Variants in NKAIN2 observed in about 807,000 individuals in gnomAD.
The protein encoded by NKAIN2 is sodium/potassium-transporting ATPase subunit beta-1-interacting protein 2.
A neutral mutation model predicts 32.6 loss-of-function variants in NKAIN2; 14 were observed. That is an observed-to-expected ratio of 0.43 (90% CI 0.28 to 0.67). The LOEUF (loss-of-function observed/expected upper bound fraction) is 0.67, where lower values mean the gene tolerates loss of function less well. Among genes scored for constraint, NKAIN2 ranks in the 30% least tolerant of loss-of-function variants. The pLI is 0.17. For missense variants in NKAIN2, 198 were observed against 258.3 expected, an observed-to-expected ratio of 0.77 and a Z score of 1.60; for synonymous variants, 80 against 87.2, an observed-to-expected ratio of 0.92 and a Z score of 0.46.
At chr6:124,305,205 T>C (rs1160424119) in intron 2 of NKAIN2, among the ~76,000 whole-genome samples, 1 of 152,176 alleles carries the variant, frequency 6.6e-6, no homozygotes, top group Non-Finnish European at 1.5e-5. Context: ...AAAAAATGTT[T>C]ACAAGTGACG....
intron 1 of NKAIN2, among the ~76,000 whole-genome samples, chr6:124,017,493 C>G (rs1052605812): frequency 6.6e-6 from 1 of 152,130 alleles, no homozygotes; most frequent in African/African-American, 2.4e-5. Context: ...AAAGGCAAGT[C>G]CCTTCTGCCT....
chr6:124,338,788 T>G (rs1465026342), intron 2 of NKAIN2, among the ~76,000 whole-genome samples: 3 of 152,220 alleles, frequency 2.0e-5, no homozygotes, highest in Non-Finnish European at 4.4e-5. Context: ...AATTTTCTAT[T>G]TGCATGCCAT....
intron 1 of NKAIN2, among the ~76,000 whole-genome samples, chr6:124,210,080 A>T (rs1432420502): frequency 6.6e-6 from 1 of 151,460 alleles, no homozygotes; most frequent in Non-Finnish European, 1.5e-5. Context: ...TCATAGTTTG[A>T]GTTCTTACAT....
chr6:124,564,559 C>G (rs1042384582), intron 3 of NKAIN2, among the ~76,000 whole-genome samples: 2 of 152,180 alleles, frequency 1.3e-5, no homozygotes, highest in Non-Finnish European at 2.9e-5. Context: ...CTCTTTCACT[C>G]TTCACAATAA....
intron 3 of NKAIN2, among the ~76,000 whole-genome samples, chr6:124,615,403 CA>C (rs1466387453): frequency 1.3e-5 from 2 of 152,150 alleles, no homozygotes; most frequent in African/African-American, 2.4e-5. Context: ...AAATACTCTT[CA>C]GAATACGATA....
At chr6:124,478,496 T>TCA (rs1046259209) in intron 3 of NKAIN2, among the ~76,000 whole-genome samples, 1 of 151,912 alleles carries the variant, frequency 6.6e-6, no homozygotes, top group African/African-American at 2.4e-5. Flanking sequence ...ATGTACACAA[T>TCA]CACACACACA....
intron 1 of NKAIN2, among the ~76,000 whole-genome samples, chr6:123,910,049 G>A (rs995425720): frequency 6.6e-6 from 1 of 152,016 alleles, no homozygotes; most frequent in African/African-American, 2.4e-5. Flanking sequence ...AAGAGATTTA[G>A]AATACATGGT....
intron 1 of NKAIN2, among the ~76,000 whole-genome samples, chr6:124,241,998 A>G (rs184125334): frequency 1.3e-5 from 2 of 152,250 alleles, no homozygotes; most frequent in African/African-American, 4.8e-5. Flanking sequence ...ATGGGCAAAG[A>G]CTTCATGACT....
At chr6:124,064,153 A>G (rs1438605569) in intron 1 of NKAIN2, among the ~76,000 whole-genome samples, 1 of 151,986 alleles carries the variant, frequency 6.6e-6, no homozygotes, top group Non-Finnish European at 1.5e-5. Context: ...GGGTTTCACC[A>G]TGTTAGCCAG....
chr6:124,720,694 G>A (rs1302625961), intron 4 of NKAIN2, among the ~76,000 whole-genome samples: 3 of 152,142 alleles, frequency 2.0e-5, no homozygotes, highest in African/African-American at 7.2e-5. Context: ...CACGGGTGTT[G>A]CAAACCTGCA....
intron 1 of NKAIN2, among the ~76,000 whole-genome samples, chr6:124,017,508 G>C (rs1780636387): frequency 6.6e-6 from 1 of 152,124 alleles, no homozygotes; most frequent in African/African-American, 2.4e-5. Context: ...CTGCCTATGA[G>C]CCTGTGAAAC....
chr6:124,727,790 AG>A (rs973747896), intron 4 of NKAIN2, among the ~76,000 whole-genome samples: 10 of 26,430 alleles, frequency 3.8e-4, no homozygotes, highest in East Asian at 2.4e-3. Flanking sequence ...AAGACCCATC[AG>A]TGTGCTGTAT....
intron 3 of NKAIN2, among the ~76,000 whole-genome samples, chr6:124,606,607 C>G (rs1241901251): frequency 1.3e-5 from 2 of 151,952 alleles, no homozygotes; most frequent in Non-Finnish European, 2.9e-5. Flanking sequence ...TTCACAATTT[C>G]TAGTATTTAA....
chr6:124,155,595 T>C (rs1192413617), intron 1 of NKAIN2, among the ~76,000 whole-genome samples: 1 of 151,234 alleles, frequency 6.6e-6, no homozygotes, highest in Non-Finnish European at 1.5e-5. Flanking sequence ...TAATATATGC[T>C]ATCTTTTTTT....
chr6:124,537,107 G>A (rs548195592), intron 3 of NKAIN2, among the ~76,000 whole-genome samples: 6 of 152,194 alleles, frequency 3.9e-5, no homozygotes, highest in Non-Finnish European at 7.4e-5. Flanking sequence ...TTCTACCATC[G>A]TCTTCAAAGA....
chr6:124,076,511 G>T (rs1182998836), intron 1 of NKAIN2, among the ~76,000 whole-genome samples: 1 of 152,186 alleles, frequency 6.6e-6, no homozygotes, highest in African/African-American at 2.4e-5. Flanking sequence ...ATAAGAGAAA[G>T]TCAAGAGCTG....
Position 124,559,834 on chromosome 6 carries a change from A to ATTTT in NKAIN2, c.274-98328_274-98325dup, listed in dbSNP as rs55701016. On this transcript the variant is annotated intron_variant, in intron 3 of 6. Transcript: ENST00000368417. Reference sequence around the variant, plus strand: ...GTGGAAGGCGAGTAAGAAATAAACCATTTTTTTTTTTTTTTTTTTTTTTTT... The same window carrying ATTTT: ...GTGGAAGGCGAGTAAGAAATAAACCATTTTTTTTTTTTTTTTTTTTTTTTTTTTT... Among the ~76,000 whole-genome samples the ATTTT allele has an allele frequency of 5.0e-4, 37 of 73,780 alleles. 2 individuals are homozygous for ATTTT. Among genetic ancestry groups the ATTTT allele is most frequent in the Non-Finnish European group, 7.5e-4 (32 of 42,590 alleles). The allele number at this position is 73,780 out of a possible 152,430, so 48.4% of individuals were successfully genotyped here. A position where few individuals can be genotyped will look rare whatever the true frequency, so the allele number is the denominator to read the frequency against.
chr6:124,211,464 T>C (rs1407246223), intron 1 of NKAIN2, among the ~76,000 whole-genome samples: 2 of 151,894 alleles, frequency 1.3e-5, no homozygotes, highest in African/African-American at 2.4e-5. Flanking sequence ...AGGACACTTG[T>C]TATTTGTTAG....
chr6:124,644,490 C>T (rs904221014), intron 3 of NKAIN2, among the ~76,000 whole-genome samples: 3 of 151,794 alleles, frequency 2.0e-5, no homozygotes, highest in Admixed American at 6.6e-5. Context: ...CTGAAACCTC[C>T]GCCTCCCGGG....
Sources: gnomAD v4.1 joint callset for allele counts (sites outside exome capture counted in the v4.1 genomes callset) on GRCh38, gnomAD v4.1.1 for gene constraint, MANE v1.5 for transcripts, NCBI Gene and HGNC (gene_info 2026-07-23, HGNC 2026-07-21) for gene names.